Variants in SLIT3 observed in about 807,000 individuals in gnomAD.
The protein encoded by SLIT3 is slit guidance ligand 3, also known as slit homolog 3 protein.
Under a neutral mutation model 184.0 loss-of-function variants are expected in SLIT3, and 68 were observed. The observed-to-expected ratio is 0.37, with a 90% confidence interval of 0.30 to 0.45. The LOEUF (loss-of-function observed/expected upper bound fraction) is 0.45, where lower values mean the gene tolerates loss of function less well. Ranked by LOEUF, SLIT3 falls within the 20% of genes least tolerant of loss-of-function variation. The pLI is 1.00. For missense variants in SLIT3, 1,707 were observed against 2,026.0 expected, an observed-to-expected ratio of 0.84 and a Z score of 3.02; for synonymous variants, 831 against 828.6, an observed-to-expected ratio of 1.00 and a Z score of -0.05.
chr5:168,770,221 C>T (rs1174368756), intron 14 of SLIT3, among the ~76,000 whole-genome samples: 4 of 152,294 alleles, frequency 2.6e-5, no homozygotes, highest in Middle Eastern at 3.4e-3. Context: ...CCCAAGGCGG[C>T]GGATGCAGCT....
chr5:168,977,741 G>GT (rs1754816221), intron 4 of SLIT3, among the ~76,000 whole-genome samples: 1 of 151,826 alleles, frequency 6.6e-6, no homozygotes, highest in Non-Finnish European at 1.5e-5. Flanking sequence ...TTCAATAAAT[G>GT]CTTTTTTTTT....
At chr5:168,827,649 C>T (rs1040142419) in intron 6 of SLIT3, among the ~76,000 whole-genome samples, 17 of 152,126 alleles carry the variant, frequency 1.1e-4, no homozygotes, top group Non-Finnish European at 2.4e-4. Context: ...GTCCCTTTTG[C>T]CATGTAAGAC....
intron 3 of SLIT3, among the ~76,000 whole-genome samples, chr5:169,222,472 T>A (rs1002782837): frequency 6.6e-6 from 1 of 152,200 alleles, no homozygotes; most frequent in Non-Finnish European, 1.5e-5. Flanking sequence ...ATTTGGTGAT[T>A]ATTGATTAGA....
At chr5:168,885,564 TC>T (rs1760165604) in intron 4 of SLIT3, among the ~76,000 whole-genome samples, 1 of 152,176 alleles carries the variant, frequency 6.6e-6, no homozygotes, top group Non-Finnish European at 1.5e-5. Flanking sequence ...ATGAGTCCAG[TC>T]TTTTCTGCCA....
intron 7 of SLIT3, 138 bp from the exon 8 acceptor site, chr5:168,817,601 C>T (rs1268899565): frequency 2.7e-6 from 2 of 746,482 alleles, no homozygotes; most frequent in Non-Finnish European, 4.4e-6. Flanking sequence ...GAAGCAATTC[C>T]CTCTGCACTA....
chr5:169,030,575 G>A (rs1015596827), intron 4 of SLIT3: 1 of 152,186 alleles, frequency 6.6e-6, no homozygotes, highest in Non-Finnish European at 1.5e-5. Context: ...TCCTTTCACT[G>A]TGTTTATGTC....
rs184171097 is a variant in SLIT3, at chr5:169,053,019, G to A, written c.413+140460C>T. Among the ~76,000 whole-genome samples, 296 of 152,306 alleles carry A rather than the reference G, an allele frequency of 1.9e-3. 2 individuals carry two copies. Among genetic ancestry groups the A allele is most frequent in the African/African-American group, 6.6e-3 (275 of 41,550 alleles). On this transcript the variant is annotated intron_variant, in intron 4 of 35. Transcript: ENST00000519560. ...TCAAAGAGGTTGAGCTATCGGCACC[G>A]GATGAACCACATCAGAACAAGACCT...
Position 168,762,750 on chromosome 5 carries a change from G to T in SLIT3, c.1460-61C>A, listed in dbSNP as rs1237686831. The T allele has an allele frequency of 1.2e-5, 19 of 1,560,138 alleles. No homozygotes were observed. In the South Asian group the frequency reaches 2.1e-4, roughly 18 times the overall value. On this transcript the variant is annotated intron_variant, in intron 14 of 35. Coordinates refer to ENST00000519560, the MANE Select transcript of SLIT3 (RefSeq NM_003062.4). ...CGAGTTCCACGCACAGCCCCAGGTT[G>T]TGGGTAGTGGGGGTGGGAGACAGAG...
chr5:168,716,764 C>T (rs1446976499), intron 23 of SLIT3, among the ~76,000 whole-genome samples: 1 of 151,656 alleles, frequency 6.6e-6, no homozygotes, highest in African/African-American at 2.4e-5. Context: ...GAAAATGCCT[C>T]ATTTTTACAT....
intron 4 of SLIT3, among the ~76,000 whole-genome samples, chr5:168,929,293 TG>T (rs1379178730): frequency 1.3e-5 from 2 of 152,256 alleles, no homozygotes; most frequent in Non-Finnish European, 2.9e-5. Flanking sequence ...TTATTGTTGC[TG>T]TTATAATGGA....
intron 4 of SLIT3, among the ~76,000 whole-genome samples, chr5:169,164,905 G>C (rs1291698354): frequency 6.6e-6 from 1 of 152,252 alleles, no homozygotes; most frequent in African/African-American, 2.4e-5. Flanking sequence ...AGCCACAGAA[G>C]ATACCCTGCC....
At position 169,248,240 on chromosome 5, in the gene SLIT3, C is replaced by T. The variant is rs115016329; in HGVS notation, c.269+3148G>A. Among the ~76,000 whole-genome samples, 523 of 152,228 alleles carry T rather than the reference C, an allele frequency of 3.4e-3. 3 individuals carry two copies. Among genetic ancestry groups the T allele is most frequent in the African/African-American group, 0.012 (499 of 41,556 alleles). The stretch of plus-strand genomic sequence containing the variant: ...CTCCTCTACGTTTCTCTTAATCTTG[C>T]CCACACCGCTAAATAAGTCTTTACT... On this transcript the variant is annotated intron_variant, in intron 2 of 35. Transcript: ENST00000519560.
At chr5:168,965,690 C>G (rs1483116636) in intron 4 of SLIT3, among the ~76,000 whole-genome samples, 1 of 152,218 alleles carries the variant, frequency 6.6e-6, no homozygotes, top group African/African-American at 2.4e-5. Flanking sequence ...CAGAATTCTT[C>G]TCTATCGCTT....
intron 8 of SLIT3, 46 bp from the exon 9 acceptor site, chr5:168,806,633 C>T (rs1415887149): frequency 1.2e-6 from 2 of 1,608,400 alleles, no homozygotes; most frequent in Non-Finnish European, 1.7e-6. Context: ...GTGTCAGGAG[C>T]TGCCTGGGCT....
intron 25 of SLIT3, chr5:168,708,461 C>T (rs945459827): frequency 1.3e-5 from 4 of 299,998 alleles, no homozygotes; most frequent in Admixed American, 4.6e-5. Flanking sequence ...AGGCTCCATT[C>T]GGACCTCCCA....
chr5:168,989,773 G>A (rs938871961), intron 4 of SLIT3, among the ~76,000 whole-genome samples: 6 of 152,164 alleles, frequency 3.9e-5, no homozygotes, highest in Non-Finnish European at 5.9e-5. Flanking sequence ...TCAGAGATCT[G>A]GATTTTCACC....
chr5:169,032,847 AAC>A (rs1324157195), intron 4 of SLIT3, among the ~76,000 whole-genome samples: 1 of 151,976 alleles, frequency 6.6e-6, no homozygotes, highest in Non-Finnish European at 1.5e-5. Context: ...ATGGGATACA[AAC>A]ACATAGTAAA....
chr5:169,244,806 G>A, intron 2 of SLIT3, 30 bp from the exon 3 acceptor site: 1 of 1,603,266 alleles, frequency 6.2e-7, no homozygotes, highest in Non-Finnish European at 8.5e-7. Context: ...AATGACTAAG[G>A]ACAAAGCTGG....
intron 6 of SLIT3, among the ~76,000 whole-genome samples, chr5:168,828,497 T>G (rs1242579561): frequency 6.6e-6 from 1 of 150,948 alleles, no homozygotes; most frequent in Non-Finnish European, 1.5e-5. Flanking sequence ...ATAAATACAT[T>G]AAAAAAATAA....
Sources: gnomAD v4.1 joint callset for allele counts (sites outside exome capture counted in the v4.1 genomes callset) on GRCh38, gnomAD v4.1.1 for gene constraint, MANE v1.5 for transcripts, NCBI Gene and HGNC (gene_info 2026-07-23, HGNC 2026-07-21) for gene names.